The following KIF21A variants were observed in gnomAD, a reference collection of about 807,000 sequenced individuals.
KIF21A encodes the protein kinesin-like protein KIF21A.
KIF21A carries 114 observed loss-of-function variants against 202.9 expected under a neutral mutation model. That is an observed-to-expected ratio of 0.56 (90% CI 0.48 to 0.66). The LOEUF (loss-of-function observed/expected upper bound fraction) is 0.66. Among genes scored for constraint, KIF21A ranks in the 30% least tolerant of loss-of-function variants. The pLI, the probability that KIF21A is intolerant of heterozygous loss-of-function variation, is 0.00. For missense variants in KIF21A, 1,677 were observed against 1,994.9 expected (o/e 0.84, Z 3.04); for synonymous variants, 667 against 670.8 (o/e 0.99, Z 0.09).
At chr12:39,367,851 A>C in intron 4 of KIF21A, 32 bp downstream of exon 4, 1 of 1,565,634 alleles carries the variant, frequency 6.4e-7, no homozygotes, top group Admixed American at 1.7e-5. Flanking sequence ...AAAGCCAACT[A>C]TGCTCTGTTT....
chr12:39,335,970 C>T (rs935993639), intron 17 of KIF21A, among the ~76,000 whole-genome samples: 1 of 152,116 alleles, frequency 6.6e-6, no homozygotes, highest in Non-Finnish European at 1.5e-5. Context: ...AATAAATTTC[C>T]ATTTTCTAAA....
intron 1 of KIF21A, among the ~76,000 whole-genome samples, chr12:39,403,190 T>A (rs910439922): frequency 6.6e-6 from 1 of 152,114 alleles, no homozygotes; most frequent in African/African-American, 2.4e-5. Flanking sequence ...CATCAAACCC[T>A]TGAACACCTG....
Position 39,423,983 on chromosome 12 carries a change from CAAAAA to C in KIF21A, c.44+18939_44+18943del, listed in dbSNP as rs35526386. ...TGGGGGACAGAGCAAGACTCTGTCT[CAAAAA>C]AAAAAAAAAAAAAAAAAAAAAAAAG... is the stretch of plus-strand genomic sequence containing the variant. On this transcript the variant is annotated intron_variant, in intron 1 of 37. Coordinates refer to ENST00000361418, the MANE Select transcript of KIF21A (RefSeq NM_001173464.2). Among the ~76,000 whole-genome samples, 38 of 25,658 alleles carry C rather than the reference CAAAAA, an allele frequency of 1.5e-3. No homozygotes were observed. The East Asian group carries it at 0.038, about 26-fold the overall frequency. The allele number at this position is 25,658 out of a possible 152,430, so 16.8% of individuals were successfully genotyped here.
At chr12:39,360,237 C>G (rs1949104787) in intron 7 of KIF21A, among the ~76,000 whole-genome samples, 1 of 151,914 alleles carries the variant, frequency 6.6e-6, no homozygotes, top group African/African-American at 2.4e-5. Context: ...TTTAAAAGTT[C>G]ACACAAAAAG....
rs536844614 is a variant in KIF21A, at chr12:39,405,256, G to A, written c.45-34995C>T. 7.5e-4 allele frequency among the ~76,000 whole-genome samples: 114 copies of A among 152,200 alleles called. 1 individual carries two copies. Among genetic ancestry groups the A allele is most frequent in the African/African-American group, 2.7e-3 (113 of 41,544 alleles). On this transcript the variant is annotated intron_variant, in intron 1 of 37. Transcript: ENST00000361418. ...AATCCCAGCTACTTGGGAGGCTGAG[G>A]CAGGAGAATCTCTTGGACCCGGGAG...
chr12:39,404,546 A>G (rs1592577996), intron 1 of KIF21A, among the ~76,000 whole-genome samples: 1 of 152,214 alleles, frequency 6.6e-6, no homozygotes, highest in East Asian at 1.9e-4. Context: ...AGCCACAAGC[A>G]GTTGAGAAAT....
intron 1 of KIF21A, among the ~76,000 whole-genome samples, chr12:39,419,799 GT>G (rs1388242226): frequency 2.6e-5 from 4 of 152,134 alleles, no homozygotes; most frequent in African/African-American, 9.7e-5. Context: ...TACCTCTCCT[GT>G]GTCAAGACAA....
chr12:39,375,227 T>TA (rs1950197126), intron 1 of KIF21A, among the ~76,000 whole-genome samples: 1 of 152,198 alleles, frequency 6.6e-6, no homozygotes, highest in African/African-American at 2.4e-5. Context: ...ACAAAAGTTT[T>TA]AAAATAAAGT....
chr12:39,441,676 A>AAAAAAC (rs1041857523), intron 1 of KIF21A, among the ~76,000 whole-genome samples: 6,413 of 137,318 alleles, frequency 0.047, 571 homozygotes, highest in East Asian at 0.11. Context: ...AAAAAAAAAA[A>AAAAAAC]AAAACACTTA....
At chr12:39,382,981 T>C (rs928594123) in intron 1 of KIF21A, among the ~76,000 whole-genome samples, 1 of 152,230 alleles carries the variant, frequency 6.6e-6, no homozygotes, top group Non-Finnish European at 1.5e-5. Flanking sequence ...ACAGCATTTC[T>C]CATACAATTC....
chr12:39,361,458 T>C (rs1433306402), intron 7 of KIF21A, among the ~76,000 whole-genome samples: 1 of 151,314 alleles, frequency 6.6e-6, no homozygotes, highest in Non-Finnish European at 1.5e-5. Flanking sequence ...CAAATGCTAA[T>C]AGTACATAAA....
chr12:39,365,438 G>T (rs893361626), intron 6 of KIF21A, among the ~76,000 whole-genome samples: 3 of 152,174 alleles, frequency 2.0e-5, no homozygotes, highest in African/African-American at 7.2e-5. Flanking sequence ...GTTTTGTAAT[G>T]AAGATAATAA....
intron 36 of KIF21A, 25 bp from the exon 37 acceptor site, chr12:39,301,704 C>A: frequency 1.9e-6 from 3 of 1,593,926 alleles, no homozygotes; most frequent in Non-Finnish European, 2.6e-6. Context: ...GTGAAATCAG[C>A]AGCTTAAGGA....
chr12:39,297,243 A>G (rs1942468485), intron 37 of KIF21A, among the ~76,000 whole-genome samples: 1 of 152,178 alleles, frequency 6.6e-6, no homozygotes, highest in South Asian at 2.1e-4. Context: ...CTGGGTATAT[A>G]CCCAAAGGAC....
At chr12:39,303,596 T>C (rs2137166334) in intron 35 of KIF21A, among the ~76,000 whole-genome samples, 1 of 152,356 alleles carries the variant, frequency 6.6e-6, no homozygotes, top group Non-Finnish European at 1.5e-5. Context: ...GCATGTTACA[T>C]GCTTTGTGTC....
intron 37 of KIF21A, among the ~76,000 whole-genome samples, chr12:39,295,692 G>GGTTTTTT (rs1426585743): frequency 1.3e-5 from 1 of 78,084 alleles, no homozygotes; most frequent in Non-Finnish European, 2.5e-5. Context: ...CTTGGGATAT[G>GGTTTTTT]TTTTTTTTTT....
chr12:39,396,620 G>A (rs960613606), intron 1 of KIF21A, among the ~76,000 whole-genome samples: 1 of 151,974 alleles, frequency 6.6e-6, no homozygotes, highest in African/African-American at 2.4e-5. Flanking sequence ...AGAAATTGAG[G>A]GGGCCTGAAA....
chr12:39,323,419 A>T (rs1945506453), intron 26 of KIF21A, among the ~76,000 whole-genome samples: 1 of 152,184 alleles, frequency 6.6e-6, no homozygotes, highest in Non-Finnish European at 1.5e-5. Context: ...CCCATGCTTA[A>T]TTTCTTTTTC....
chr12:39,318,389 T>A (rs1377550483), intron 28 of KIF21A, among the ~76,000 whole-genome samples, 188 bp from the exon 29 acceptor site: 1 of 152,202 alleles, frequency 6.6e-6, no homozygotes, highest in Non-Finnish European at 1.5e-5. Context: ...TTTTGTTACA[T>A]TGGCCACAAG....
Sources: allele counts gnomAD v4.1 joint callset (sites outside exome capture counted in the v4.1 genomes callset), GRCh38; gene constraint gnomAD v4.1.1; transcripts MANE v1.5; gene names NCBI Gene and HGNC (gene_info 2026-07-23, HGNC 2026-07-21).